The following TMEM214 variants were observed in gnomAD, a reference collection of about 807,000 sequenced individuals.
The protein encoded by TMEM214 is transmembrane protein 214.
A neutral mutation model predicts 89.8 loss-of-function variants in TMEM214; 71 were observed. That is an observed-to-expected ratio of 0.79 (90% CI 0.65 to 0.96). The LOEUF (loss-of-function observed/expected upper bound fraction) is 0.96, where lower values mean the gene tolerates loss of function less well. Ranked by LOEUF, TMEM214 falls within the 40% of genes least tolerant of loss-of-function variation. The probability of loss-of-function intolerance (pLI) is 0.00; values close to 1 mark genes in which losing one functional copy is unlikely to be tolerated. For missense variants in TMEM214, 754 were observed against 843.4 expected (o/e 0.89, Z 1.31); for synonymous variants, 332 against 349.5 (o/e 0.95, Z 0.56).
chr2:27,037,764 T>C (rs765470595), intron 9 of TMEM214, 62 bp downstream of exon 9: 1 of 1,613,866 alleles, frequency 6.2e-7, no homozygotes, highest in South Asian at 1.1e-5. Flanking sequence ...GGTCCCTATC[T>C]GCTGACAAAG....
chr2:27,038,200 T>G lies in TMEM214; in HGVS notation c.1207T>G (p.Trp403Gly). The change falls in exon 10 of 17, where the codon TGG becomes GGG. Residue 403 changes from tryptophan (W) to glycine (G), a missense_variant. Trp to Gly is a radical substitution (Grantham distance 184). Transcript: ENST00000238788. This position sits in a 1 kb window ranked among gnomAD's most constrained non-coding sequence, Gnocchi z 4.4. The part of the protein sequence containing the change: ...LTVDPLSASV[W>G]RQLYPKHLSQ... ...GGTGGACCCCCTCAGTGCCAGCGTCTGGAGGCAGCTGTACCCTAAGCACCT... is the reference window on the plus strand; with the variant it reads ...GGTGGACCCCCTCAGTGCCAGCGTCGGGAGGCAGCTGTACCCTAAGCACCT... 2 of 1,614,190 alleles carry G rather than the reference T, an allele frequency of 1.2e-6. No homozygotes were observed. Among genetic ancestry groups the G allele is most frequent in the Non-Finnish European group, 1.7e-6 (2 of 1,180,034 alleles).
rs1437946951 is a variant in TMEM214, at chr2:27,035,266, G to A, written c.483G>A (p.Thr161=). 17 of 1,614,082 alleles carry A rather than the reference G, an allele frequency of 1.1e-5. No individual in the cohort carries two copies. The highest frequency in any genetic ancestry group is 7.7e-5 in the South Asian group (7 of 91,094). ...YKLQAPLSEP[T]LSQHTHDYPY... ...TACAAGCTCCTCTAAGTGAACCCACGCTGAGCCAGCATACTCATGGTAAGT... is the reference window on the plus strand; with the variant it reads ...TACAAGCTCCTCTAAGTGAACCCACACTGAGCCAGCATACTCATGGTAAGT... Residue 161 remains threonine (T), a synonymous_variant, in exon 3 of 17, where the codon ACG becomes ACA. Coordinates refer to ENST00000238788, the MANE Select transcript of TMEM214 (RefSeq NM_017727.5).
At chr2:27,036,999 T>C (rs1667594221) in intron 7 of TMEM214, 78 bp from the exon 8 acceptor site, 1 of 1,327,946 alleles carries the variant, frequency 7.5e-7, no homozygotes, top group Non-Finnish European at 1.1e-6. Context: ...TTCCTAGATG[T>C]TGGCTTAGCT....
chr2:27,035,222 A>G lies in TMEM214; in HGVS notation c.439A>G (p.Ser147Gly). Reference sequence around the variant, plus strand: ...ATCCATATGGTTGAAGGACCTGGCCAGCTATCTCAACTACAAGCTACAAGC... The same window carrying G: ...ATCCATATGGTTGAAGGACCTGGCCGGCTATCTCAACTACAAGCTACAAGC... ...NPSIWLKDLA[S>G]YLNYKLQAPL... The change falls in exon 3 of 17, where the codon AGC (serine) becomes GGC (glycine). Residue 147 changes from serine (S) to glycine (G), a missense_variant. Physicochemically the swap from Ser to Gly is moderately conservative, Grantham distance 56. Coordinates refer to ENST00000238788, the MANE Select transcript of TMEM214 (RefSeq NM_017727.5). 6.2e-7 allele frequency: 1 copy of G among 1,614,254 alleles called. No individual in the cohort carries two copies. The highest frequency in any genetic ancestry group is 1.3e-5 in the African/African-American group (1 of 75,062).
rs1421501386 is a variant in TMEM214 at position 27,034,241 on chromosome 2, G to A, written c.326G>A (p.Arg109His). The A allele has an allele frequency of 7.4e-6, 12 of 1,614,044 alleles. No individual in the cohort carries two copies. The highest frequency in any genetic ancestry group is 3.3e-5 in the South Asian group (3 of 91,076). ...PNQNQKQGRF[R>H]SLEEALKALD... ...CAAAACCAGAAGCAGGGCCGCTTCC[G>A]CAGCCTGGAGGAAGCACTGAAAGCT... is the stretch of plus-strand genomic sequence containing the variant. The change falls in exon 2 of 17, where the codon CGC becomes CAC. Residue 109 changes from arginine (R) to histidine (H), a missense_variant. By Grantham distance (29) the Arg-to-His change is conservative (BLOSUM62 0). Transcript: ENST00000238788.
rs942860964 is a variant in TMEM214 at position 27,038,514 on chromosome 2, G to C, written c.1275G>C (p.Trp425Cys). 2 of 1,613,938 alleles carry C rather than the reference G, an allele frequency of 1.2e-6. No homozygotes were observed. The highest frequency in any genetic ancestry group is 1.7e-6 in the Non-Finnish European group (2 of 1,180,006). The change falls in exon 11 of 17, where the codon TGG (tryptophan) becomes TGC (cysteine). Residue 425 changes from tryptophan to cysteine, a missense_variant. Transcript: ENST00000238788. This position sits in a 1 kb window ranked among gnomAD's most constrained non-coding sequence, Gnocchi z 4.4. ...TGCTGGAGCACTTGCTCAGCTCCTG[G>C]GAGCAGATTCCCAAGAAGGTGAGGA... is the stretch of plus-strand genomic sequence containing the variant. ...SLLLEHLLSS[W>C]EQIPKKVQKS...
Position 27,039,754 on chromosome 2 carries a change from C to A in TMEM214, c.1539C>A (p.Gly513=). The change falls in exon 14 of 17, where the codon GGC becomes GGA. Residue 513 remains glycine (G), a synonymous_variant. Transcript: ENST00000238788. ...CCCTTTACTTAGCCTCCCTTACTGG[C>A]CGGTTGCTTCGATCATCTGGCTTCT... ...SHSSFQASLT[G]RLLRSSGFLP... 6.2e-7 allele frequency: 1 copy of A among 1,614,198 alleles called. No homozygotes were observed. Among genetic ancestry groups the A allele is most frequent in the Non-Finnish European group, 8.5e-7 (1 of 1,180,018 alleles).
At position 27,038,123 on chromosome 2, in the gene TMEM214, TCTCC is replaced by T; in HGVS notation, c.1153-19_1153-16del. 6.2e-7 allele frequency: 1 copy of T among 1,613,936 alleles called. No homozygotes were observed. The highest frequency in any genetic ancestry group is 8.5e-7 in the Non-Finnish European group (1 of 1,179,948). On this transcript the variant is annotated intron_variant, in intron 9 of 16. Transcript: ENST00000238788. This position sits in a 1 kb window ranked among gnomAD's most constrained non-coding sequence, Gnocchi z 4.4. ...TGCCAGCCCCATGCCCCCAGCAGCC[TCTCC>T]CTCTGTCGTGCTGTGCAGCTCCTGA...
chr2:27,038,667 G>C lies in TMEM214; in HGVS notation c.1294-35G>C. 6.2e-7 allele frequency: 1 copy of C among 1,609,476 alleles called. No individual in the cohort carries two copies. The highest frequency in any genetic ancestry group is 8.5e-7 in the Non-Finnish European group (1 of 1,176,610). On this transcript the variant is annotated intron_variant, in intron 11 of 16. Transcript: ENST00000238788. The surrounding 1 kb of genome is among the most constrained non-coding windows in gnomAD (Gnocchi z 4.4). Reference sequence around the variant, plus strand: ...AAAATGAAGCAGGATGGAAGCTCTGGATTCCCTCACAGGCCAGACCTTTCT... The same window carrying C: ...AAAATGAAGCAGGATGGAAGCTCTGCATTCCCTCACAGGCCAGACCTTTCT...
rs1191125310 is a variant in TMEM214, at chr2:27,041,548, C to T, written c.*711C>T. On this transcript the variant is annotated 3_prime_UTR_variant, in exon 17 of 17. Transcript: ENST00000238788. ...ACAAGGCTCAGCTTCTCTCCACTGT[C>T]CATCCCTCCTATCATCTGTAGAGCA... 2 of 154,152 alleles carry T rather than the reference C, an allele frequency of 1.3e-5. No individual in the cohort carries two copies. The highest frequency in any genetic ancestry group is 2.9e-5 in the Non-Finnish European group (2 of 68,340). The allele number at this position is 154,152 out of a possible 1,614,324, so 9.5% of individuals were successfully genotyped here.
rs1321966053 is a variant in TMEM214 at position 27,037,541 on chromosome 2, T to G, written c.1011-20T>G. On this transcript the variant is annotated intron_variant, in intron 8 of 16. Transcript: ENST00000238788. Reference sequence around the variant, plus strand: ...CTCCACTTATAGCTTATGCCTGTCTTTCCTCCCCACCCCACCCAGCCTGCA... The same window carrying G: ...CTCCACTTATAGCTTATGCCTGTCTGTCCTCCCCACCCCACCCAGCCTGCA... The G allele has an allele frequency of 2.5e-6, 4 of 1,613,906 alleles. No homozygotes were observed. The highest frequency in any genetic ancestry group is 3.3e-5 in the Admixed American group (2 of 59,990).
rs768934670 is a variant in TMEM214, at chr2:27,040,466, G to T, written c.1913G>T (p.Trp638Leu). ...CACCTCTTGCTTGAGGCCCTGGCCT[G>T]GGCCCAGGAGCACTGCCATGAGGCA... Reference protein sequence around the residue: ...LWHLLLEALAWAQEHCHEACR... With the variant: ...LWHLLLEALALAQEHCHEACR... The change falls in exon 16 of 17, where the codon TGG becomes TTG. Residue 638 changes from tryptophan to leucine, a missense_variant. By Grantham distance (61) the Trp-to-Leu change is moderately conservative (BLOSUM62 -2). Transcript: ENST00000238788. 6.2e-7 allele frequency: 1 copy of T among 1,614,000 alleles called. No individual in the cohort carries two copies. Among genetic ancestry groups the T allele is most frequent in the South Asian group, 1.1e-5 (1 of 91,086 alleles).
chr2:27,037,728 C>T (rs1192329964), intron 9 of TMEM214, 26 bp downstream of exon 9: 7 of 1,614,082 alleles, frequency 4.3e-6, no homozygotes, highest in Non-Finnish European at 5.9e-6. Flanking sequence ...GAGGCTTTTT[C>T]TCCTTCCCCA....
At chr2:27,039,861 G>T (rs758634668) in intron 14 of TMEM214, 24 bp downstream of exon 14, 2 of 1,610,672 alleles carry the variant, frequency 1.2e-6, no homozygotes, top group Non-Finnish European at 8.5e-7. Flanking sequence ...AGGGAGGGGA[G>T]AGGAGAGGCA....
Position 27,034,146 on chromosome 2 carries a change from A to G in TMEM214, c.231A>G (p.Pro77=), listed in dbSNP as rs757152163. The G allele has an allele frequency of 1.9e-6, 3 of 1,614,028 alleles. No individual in the cohort carries two copies. Among genetic ancestry groups the G allele is most frequent in the East Asian group, 2.2e-5 (1 of 44,870 alleles). The part of the protein sequence containing the change: ...IMKRQNKEQV[P]PPAVEPKKPG... ...AGCGGCAGAATAAGGAGCAGGTCCC[A>G]CCCCCTGCTGTGGAACCTAAGAAAC... Residue 77 remains proline, a synonymous_variant, in exon 2 of 17, where the codon CCA becomes CCG. Coordinates refer to ENST00000238788, the MANE Select transcript of TMEM214 (RefSeq NM_017727.5).
chr2:27,035,562 C>G, intron 3 of TMEM214, 32 bp from the exon 4 acceptor site: 1 of 1,613,252 alleles, frequency 6.2e-7, no homozygotes, highest in Non-Finnish European at 8.5e-7. Flanking sequence ...GTGTCTGGTC[C>G]TAGCACTCAC....
rs572810107 is a variant in TMEM214 at position 27,037,675 on chromosome 2, T to A, written c.1125T>A (p.Pro375=). The A allele has an allele frequency of 2.5e-6, 4 of 1,614,036 alleles. No individual in the cohort carries two copies. In the African/African-American group the frequency reaches 5.3e-5, roughly 22 times the overall value. ...YFPSFLSRAT[P]SCPPEMKKEL... ...CTTCTTTCCTGTCCAGAGCCACCCC[T>A]AGCTGTCCCCCTGAGATGAAGAAAG... is the stretch of plus-strand genomic sequence containing the variant. Residue 375 remains proline, a synonymous_variant, in exon 9 of 17, where the codon CCT becomes CCA. Transcript: ENST00000238788.
rs756688475 is a variant in TMEM214, at chr2:27,039,039, C to T, written c.1408-8C>T. 6.2e-7 allele frequency: 1 copy of T among 1,612,992 alleles called. No individual in the cohort carries two copies. The highest frequency in any genetic ancestry group is 8.5e-7 in the Non-Finnish European group (1 of 1,179,772). The stretch of plus-strand genomic sequence containing the variant: ...TCTGACAACTGTCTCCTGCTCCCCT[C>T]CCACCAGGGCCTGTTGCAGCAGGTT... On this transcript the variant is annotated splice_region_variant and splice_polypyrimidine_tract_variant and intron_variant, in intron 12 of 16. Coordinates refer to ENST00000238788, the MANE Select transcript of TMEM214 (RefSeq NM_017727.5).
chr2:27,040,653 C>G, intron 16 of TMEM214, 58 bp from the exon 17 acceptor site: 1 of 1,602,212 alleles, frequency 6.2e-7, no homozygotes, highest in Non-Finnish European at 8.5e-7. Flanking sequence ...GCTTTCATCC[C>G]CGAAAGTTGA....
Sources: allele counts gnomAD v4.1 joint callset, GRCh38; gene constraint gnomAD v4.1.1; non-coding constraint Gnocchi (gnomAD v3.1); transcripts MANE v1.5; gene names NCBI Gene and HGNC (gene_info 2026-07-23, HGNC 2026-07-21).